Variants in HNRNPLL observed in about 807,000 individuals in gnomAD.
HNRNPLL encodes the protein heterogeneous nuclear ribonucleoprotein L-like.
HNRNPLL carries 25 observed loss-of-function variants against 67.1 expected under a neutral mutation model. The observed-to-expected ratio is 0.37, with a 90% CI of 0.27 to 0.52. The LOEUF is 0.52. Among genes scored for constraint, HNRNPLL ranks in the 20% least tolerant of loss-of-function variants. The pLI is 0.90. For synonymous variants in HNRNPLL, 267 were observed against 241.7 expected (o/e 1.10, Z -0.97); for missense variants, 542 against 673.9 (o/e 0.80, Z 2.17).
At chr2:38,572,391 G>A (rs951416305) in intron 8 of HNRNPLL, among the ~76,000 whole-genome samples, 1 of 152,022 alleles carries the variant, frequency 6.6e-6, no homozygotes, top group Admixed American at 6.6e-5. Context: ...CTCACATGCT[G>A]CAAGAACTTA....
chr2:38,590,743 G>T (rs1666927564), intron 2 of HNRNPLL, among the ~76,000 whole-genome samples: 1 of 152,190 alleles, frequency 6.6e-6, no homozygotes, highest in African/African-American at 2.4e-5. Context: ...AGAACTCACA[G>T]AGCCTATAAT....
At chr2:38,597,694 T>A (rs1029366878) in intron 1 of HNRNPLL, among the ~76,000 whole-genome samples, 2 of 150,692 alleles carry the variant, frequency 1.3e-5, no homozygotes, top group Non-Finnish European at 3.0e-5. Context: ...TTTTTTTATT[T>A]TTTTTTTTTT....
chr2:38,598,329 G>A (rs958126697), intron 1 of HNRNPLL, among the ~76,000 whole-genome samples: 1 of 152,114 alleles, frequency 6.6e-6, no homozygotes, highest in Non-Finnish European at 1.5e-5. Context: ...ACAGAGAAAA[G>A]GAGAATTGAA....
chr2:38,601,785 C>A (rs1261820090), intron 1 of HNRNPLL, among the ~76,000 whole-genome samples: 1 of 152,238 alleles, frequency 6.6e-6, no homozygotes, highest in African/African-American at 2.4e-5. Context: ...CAGCTGCCAA[C>A]ACTTCTGTTG....
At chr2:38,566,781 C>A (rs1665877941) in intron 12 of HNRNPLL, among the ~76,000 whole-genome samples, 1 of 147,186 alleles carries the variant, frequency 6.8e-6, no homozygotes, top group South Asian at 2.1e-4. Flanking sequence ...CTCAGGAGTT[C>A]AAGACCAGCC....
rs1467158661 is a variant in HNRNPLL, at chr2:38,602,501, G to A, written c.126C>T (p.Arg42=). The A allele has an allele frequency of 8.4e-6, 13 of 1,548,382 alleles. No homozygotes were observed. The highest frequency in any genetic ancestry group is 1.1e-5 in the Non-Finnish European group (13 of 1,148,360). The change falls in exon 1 of 13, where the codon CGC becomes CGT. Residue 42 remains arginine (R), a synonymous_variant. Coordinates refer to ENST00000449105, the MANE Select transcript of HNRNPLL (RefSeq NM_138394.4). ...IDYSAEEGEN[R]REATPRGGGD... ...CCCCGCCCCGGGGCGTCGCTTCCCGGCGGTTCTCGCCTTCCTCGGCCGAGT... is the reference window on the plus strand; with the variant it reads ...CCCCGCCCCGGGGCGTCGCTTCCCGACGGTTCTCGCCTTCCTCGGCCGAGT...
chr2:38,567,391 C>T (rs1665908523), intron 12 of HNRNPLL, among the ~76,000 whole-genome samples: 1 of 152,164 alleles, frequency 6.6e-6, no homozygotes, highest in Non-Finnish European at 1.5e-5. Flanking sequence ...GCTGGGATTA[C>T]AGGCGTGAGT....
intron 6 of HNRNPLL, among the ~76,000 whole-genome samples, chr2:38,580,178 G>A (rs552874361): frequency 6.6e-5 from 10 of 152,060 alleles, no homozygotes; most frequent in East Asian, 3.9e-4. Context: ...AAACAAAACC[G>A]AGTGGTCAAT....
intron 2 of HNRNPLL, among the ~76,000 whole-genome samples, chr2:38,587,230 A>G (rs1041279670): frequency 6.6e-6 from 1 of 152,226 alleles, no homozygotes; most frequent in South Asian, 2.1e-4. Flanking sequence ...GCAAATTATT[A>G]TTATAGTAAA....
intron 1 of HNRNPLL, among the ~76,000 whole-genome samples, chr2:38,599,144 T>C (rs912084654): frequency 2.6e-5 from 4 of 152,244 alleles, no homozygotes; most frequent in Non-Finnish European, 5.9e-5. Context: ...CAATGTGCTG[T>C]ATAATCCTTT....
intron 12 of HNRNPLL, chr2:38,566,200 T>C (rs1461999952): frequency 1.8e-5 from 7 of 387,666 alleles, no homozygotes; most frequent in Non-Finnish European, 2.5e-5. Flanking sequence ...AAACCCCGTC[T>C]CTAACAAAAA....
intron 1 of HNRNPLL, among the ~76,000 whole-genome samples, chr2:38,598,365 T>C (rs1403581256): frequency 6.6e-6 from 1 of 152,192 alleles, no homozygotes; most frequent in Non-Finnish European, 1.5e-5. Flanking sequence ...CAAGTCCCTA[T>C]GACATCATCC....
intron 8 of HNRNPLL, among the ~76,000 whole-genome samples, chr2:38,570,934 G>C (rs943592377): frequency 6.6e-6 from 1 of 151,944 alleles, no homozygotes; most frequent in African/African-American, 2.4e-5. Context: ...TGTAGTCCCA[G>C]CTACTCAGGA....
intron 1 of HNRNPLL, 80 bp from the exon 2 acceptor site, chr2:38,591,728 C>A: frequency 3.6e-6 from 3 of 831,746 alleles, no homozygotes; most frequent in Admixed American, 2.2e-5. Context: ...GTAATCCCTG[C>A]ACTTTGGGAG....
intron 1 of HNRNPLL, among the ~76,000 whole-genome samples, chr2:38,595,475 AT>A (rs1260939443): frequency 6.6e-6 from 1 of 151,928 alleles, no homozygotes; most frequent in African/African-American, 2.4e-5. Flanking sequence ...CTCAAAAAAA[AT>A]CTCCTTTTAA....
intron 6 of HNRNPLL, among the ~76,000 whole-genome samples, chr2:38,580,165 A>C (rs1666468649): frequency 1.3e-5 from 2 of 152,188 alleles, no homozygotes; most frequent in Non-Finnish European, 2.9e-5. Context: ...GATTTTTTTA[A>C]AAAAACAAAA....
chr2:38,577,897 G>A, intron 6 of HNRNPLL: 1 of 475,118 alleles, frequency 2.1e-6, no homozygotes, highest in Non-Finnish European at 4.4e-6. Flanking sequence ...AGCTTTAAGT[G>A]CAGTACTTTT....
At chr2:38,577,370 A>G in intron 7 of HNRNPLL, 91 bp downstream of exon 7, 1 of 846,542 alleles carries the variant, frequency 1.2e-6, no homozygotes, top group South Asian at 1.4e-5. Context: ...ATACGCAGGA[A>G]AAATAGACAA....
In HNRNPLL at chr2:38,602,434, T is replaced by A; in HGVS notation, c.189+4A>T. 1 of 1,539,940 alleles carries A rather than the reference T, an allele frequency of 6.5e-7. No individual in the cohort carries two copies. The highest frequency in any genetic ancestry group is 8.7e-7 in the Non-Finnish European group (1 of 1,150,142). ...CAGCGGACAGGGGGGCCGCGCTTTG[T>A]TACCGGCTGAGAGAAGCTCCGGCCG... is the stretch of plus-strand genomic sequence containing the variant. On this transcript the variant is annotated splice_donor_region_variant and intron_variant, in intron 1 of 12. Coordinates refer to ENST00000449105, the MANE Select transcript of HNRNPLL (RefSeq NM_138394.4).
Sources: gnomAD v4.1 joint callset for allele counts (sites outside exome capture counted in the v4.1 genomes callset) on GRCh38, gnomAD v4.1.1 for gene constraint, MANE v1.5 for transcripts, NCBI Gene and HGNC (gene_info 2026-07-23, HGNC 2026-07-21) for gene names.